Variants in LTBP1 observed in about 807,000 individuals in gnomAD.
LTBP1 encodes latent transforming growth factor beta binding protein 1.
A neutral mutation model predicts 207.6 loss-of-function variants in LTBP1; 129 were observed. The ratio of observed to expected loss-of-function variants is 0.62; its 90% CI spans 0.54 to 0.72. LTBP1 has a LOEUF of 0.72. Ranked by LOEUF, LTBP1 falls within the 30% of genes least tolerant of loss-of-function variation. The pLI, the probability that LTBP1 is intolerant of heterozygous loss-of-function variation, is 0.00. For synonymous variants in LTBP1, 963 were observed against 833.7 expected (o/e 1.16, Z -2.67); for missense variants, 2,281 against 2,217.2 (o/e 1.03, Z -0.58).
chr2:33,342,727 C>A, intron 24 of LTBP1, 111 bp from the exon 25 acceptor site: 1 of 959,392 alleles, frequency 1.0e-6, no homozygotes, highest in Non-Finnish European at 1.5e-6. Flanking sequence ...ATGTTCATCT[C>A]ATCATCACAC....
chr2:33,109,639 A>G (rs532872217), intron 3 of LTBP1, among the ~76,000 whole-genome samples: 4 of 152,356 alleles, frequency 2.6e-5, no homozygotes, highest in East Asian at 3.8e-4. Context: ...GACTCGTGCT[A>G]TTAAAAAGAT....
At chr2:33,295,015 G>A (rs2093848111) in intron 20 of LTBP1, among the ~76,000 whole-genome samples, 1 of 151,642 alleles carries the variant, frequency 6.6e-6, no homozygotes, top group Admixed American at 6.6e-5. Context: ...TATTTTTACA[G>A]GAGAACATTC....
At chr2:33,142,735 G>A (rs1045032093) in intron 5 of LTBP1, among the ~76,000 whole-genome samples, 12 of 152,258 alleles carry the variant, frequency 7.9e-5, no homozygotes, top group South Asian at 2.1e-4. Context: ...AGAGGGGTCC[G>A]TGGTTTGCCA....
intron 24 of LTBP1, among the ~76,000 whole-genome samples, chr2:33,326,008 A>C (rs2094421717): frequency 6.6e-6 from 1 of 152,152 alleles, no homozygotes; most frequent in Non-Finnish European, 1.5e-5. Flanking sequence ...TAAATTTAGA[A>C]ATATACTTTG....
chr2:33,078,911 T>C (rs1238015388), intron 3 of LTBP1, among the ~76,000 whole-genome samples: 5 of 132,378 alleles, frequency 3.8e-5, no homozygotes, highest in Admixed American at 9.2e-5. Context: ...CAGGCTGGAG[T>C]GCAGTGGCAC....
intron 3 of LTBP1, among the ~76,000 whole-genome samples, chr2:33,074,821 G>T (rs2077989569): frequency 6.8e-6 from 1 of 147,826 alleles, no homozygotes; most frequent in South Asian, 2.1e-4. Context: ...AGTCAGCCGA[G>T]ATCGCACCAC....
At chr2:33,163,150 TG>T (rs1430990238) in intron 5 of LTBP1, among the ~76,000 whole-genome samples, 4 of 152,132 alleles carry the variant, frequency 2.6e-5, no homozygotes, top group Non-Finnish European at 1.5e-5. Context: ...CCTGGCTAAT[TG>T]TATTTTTTAT....
At chr2:33,148,375 C>T (rs1018296888) in intron 5 of LTBP1, among the ~76,000 whole-genome samples, 2 of 152,166 alleles carry the variant, frequency 1.3e-5, no homozygotes, top group Non-Finnish European at 2.9e-5. Context: ...TGATAACATA[C>T]GTTCTCTATG....
At chr2:33,088,225 G>A (rs389139) in intron 3 of LTBP1, among the ~76,000 whole-genome samples, 73 of 152,304 alleles carry the variant, frequency 4.8e-4, no homozygotes, top group Non-Finnish European at 5.7e-4. Flanking sequence ...AGGCCAAGGC[G>A]GGTGGATCAC....
intron 5 of LTBP1, among the ~76,000 whole-genome samples, chr2:33,153,410 A>G (rs2083699161): frequency 6.6e-6 from 1 of 152,226 alleles, no homozygotes; most frequent in Admixed American, 6.5e-5. Flanking sequence ...TTGGAGCAGG[A>G]TGAAAGGATG....
At chr2:33,277,803 CTCTTTCTTTTTTTCTTTCTT>C (rs1558933759) in intron 18 of LTBP1, among the ~76,000 whole-genome samples, 4 of 59,962 alleles carry the variant, frequency 6.7e-5, no homozygotes, top group African/African-American at 2.9e-4. Flanking sequence ...CTTTCTCTCT[CTCTTTCTTTTTTTCTTTCTT>C]TCTTTCTTTT....
chr2:32,996,760 C>A (rs1221883225), intron 2 of LTBP1, among the ~76,000 whole-genome samples: 1 of 152,128 alleles, frequency 6.6e-6, no homozygotes, highest in African/African-American at 2.4e-5. Flanking sequence ...TATGTGTAGT[C>A]CAAGGTTGAC....
intron 26 of LTBP1, among the ~76,000 whole-genome samples, chr2:33,355,407 A>G (rs1208054623): frequency 6.6e-6 from 1 of 152,188 alleles, no homozygotes; most frequent in Non-Finnish European, 1.5e-5. Flanking sequence ...ATCCTCCTGT[A>G]TACATTGAAT....
chr2:32,947,299 A>C lies in LTBP1; in HGVS notation c.-26A>C, dbSNP rs1676315137. 4.1e-3 allele frequency: 3,982 copies of C among 960,908 alleles called. No homozygotes were observed. The highest frequency in any genetic ancestry group is 0.011 in the East Asian group (224 of 19,772). The allele number at this position is 960,908 out of a possible 1,614,324, so 59.5% of individuals were successfully genotyped here. A position where few individuals can be genotyped will look rare whatever the true frequency, so the allele number is the denominator to read the frequency against. On this transcript the variant is annotated 5_prime_UTR_variant, in exon 1 of 34. Coordinates refer to ENST00000404816, the MANE Select transcript of LTBP1 (RefSeq NM_206943.4). ...GGGGGAGGGGGCCGGACCGCGCGCG[A>C]CCGGTCGCGCCCGCTGGGGCCCGCG...
At chr2:33,352,120 C>CTATT (rs1330104208) in intron 26 of LTBP1, among the ~76,000 whole-genome samples, 54 of 151,960 alleles carry the variant, frequency 3.6e-4, no homozygotes, top group African/African-American at 6.5e-4. Context: ...CTCCTTGTGT[C>CTATT]TATTTATTTA....
At chr2:33,268,173 CTGT>C (rs1168603238) in intron 15 of LTBP1, among the ~76,000 whole-genome samples, 3 of 152,210 alleles carry the variant, frequency 2.0e-5, no homozygotes, top group African/African-American at 4.8e-5. Flanking sequence ...CACAAGAAGA[CTGT>C]TTTGTATCAA....
chr2:33,190,988 C>T (rs1302859578), intron 7 of LTBP1, among the ~76,000 whole-genome samples: 1 of 152,206 alleles, frequency 6.6e-6, no homozygotes, highest in South Asian at 2.1e-4. Context: ...TGAAGATAAA[C>T]TTTATACACT....
Position 33,346,609 on chromosome 2 carries a change from G to A in LTBP1, c.3857-758G>A, listed in dbSNP as rs542004273. ...TGAGTCAGGAGAATCACTTGAACCC[G>A]GGAGACAGAGGTTGCGAGTGAGCTG... On this transcript the variant is annotated intron_variant, in intron 25 of 33. Transcript: ENST00000404816. Among the ~76,000 whole-genome samples the A allele has an allele frequency of 5.9e-5, 9 of 151,902 alleles. No individual in the cohort carries two copies. The East Asian group carries it at 1.4e-3, about 23-fold the overall frequency.
chr2:33,175,999 C>G (rs1572989257), intron 5 of LTBP1, among the ~76,000 whole-genome samples: 1 of 79,672 alleles, frequency 1.3e-5, no homozygotes, highest in Admixed American at 2.1e-4. Flanking sequence ...ACTCTGGGGA[C>G]TGTTGTGGGG....
Sources: allele counts gnomAD v4.1 joint callset (sites outside exome capture counted in the v4.1 genomes callset), GRCh38; gene constraint gnomAD v4.1.1; transcripts MANE v1.5; gene names NCBI Gene and HGNC (gene_info 2026-07-23, HGNC 2026-07-21).